The following AXIN2 variants were observed in gnomAD, a reference collection of about 807,000 sequenced individuals.
The protein encoded by AXIN2 is axin-2.
A neutral mutation model predicts 74.7 loss-of-function variants in AXIN2; 21 were observed. The observed-to-expected ratio is 0.28, with a 90% CI of 0.20 to 0.40. AXIN2 has a LOEUF of 0.40. AXIN2 is among the 10% of genes least tolerant of loss of function. The pLI is 1.00. For synonymous variants in AXIN2, 532 were observed against 454.9 expected, an observed-to-expected ratio of 1.17 and a Z score of -2.16; for missense variants, 1,144 against 1,111.1, an observed-to-expected ratio of 1.03 and a Z score of -0.42.
At chr17:65,561,307 C>T (rs1598124368) in intron 1 of AXIN2, 143 bp downstream of exon 1, 1 of 143,642 alleles carries the variant, frequency 7.0e-6, no homozygotes, top group African/African-American at 2.5e-5. Flanking sequence ...GCCCCGCCCG[C>T]GCCCCCCTCC....
chr17:65,550,374 A>C (rs1379187018), intron 2 of AXIN2, among the ~76,000 whole-genome samples: 2 of 152,156 alleles, frequency 1.3e-5, no homozygotes, highest in African/African-American at 2.4e-5. Context: ...GTTTCAAAGG[A>C]AGGCCCAGGC....
In AXIN2 at chr17:65,529,895, GT is replaced by G; in HGVS notation, c.*80del. On this transcript the variant is annotated 3_prime_UTR_variant, in exon 11 of 11. Transcript: ENST00000307078. ...CATTGGTTTAATTTTCCTTCAAAAT[GT>G]TTTGTCGCAGTTGCTCACAGCCAAG... 1.9e-6 allele frequency: 3 copies of G among 1,606,358 alleles called. No homozygotes were observed. The highest frequency in any genetic ancestry group is 2.2e-5 in the East Asian group (1 of 44,606).
At chr17:65,541,596 G>A (rs1393989757) in intron 3 of AXIN2, 39 bp from the exon 4 acceptor site, 3 of 1,562,998 alleles carry the variant, frequency 1.9e-6, no homozygotes, top group East Asian at 4.5e-5. Flanking sequence ...AGGCTTACGA[G>A]GATGTTTTCA....
intron 10 of AXIN2, among the ~76,000 whole-genome samples, chr17:65,530,913 C>A (rs1424821001): frequency 1.3e-5 from 2 of 152,252 alleles, no homozygotes; most frequent in African/African-American, 2.4e-5. Flanking sequence ...GATGCAAATG[C>A]CTGGCCTCTC....
intron 3 of AXIN2, among the ~76,000 whole-genome samples, chr17:65,548,816 C>G (rs540161247): frequency 6.6e-6 from 1 of 152,272 alleles, no homozygotes; most frequent in Non-Finnish European, 1.5e-5. Flanking sequence ...GCCTTCTGAC[C>G]TCATCGGACC....
chr17:65,553,500 C>A (rs2144559672), intron 2 of AXIN2, among the ~76,000 whole-genome samples: 1 of 152,210 alleles, frequency 6.6e-6, no homozygotes, highest in South Asian at 2.1e-4. Flanking sequence ...TTCCTTCCTC[C>A]CAGCAAAAAA....
At chr17:65,548,512 G>A (rs887671105) in intron 3 of AXIN2, among the ~76,000 whole-genome samples, 3 of 152,194 alleles carry the variant, frequency 2.0e-5, no homozygotes, top group Non-Finnish European at 2.9e-5. Flanking sequence ...TTTAGCAGGC[G>A]AAATTCTGAC....
chr17:65,537,742 C>T lies in AXIN2; in HGVS notation c.1294G>A (p.Glu432Lys), dbSNP rs751843834. 12 of 1,569,088 alleles carry T rather than the reference C, an allele frequency of 7.6e-6. No individual in the cohort carries two copies. Among genetic ancestry groups the T allele is most frequent in the African/African-American group, 2.7e-5 (2 of 73,926 alleles). Residue 432 changes from glutamate to lysine, a missense_variant, in exon 6 of 11, where the codon GAG (glutamate) becomes AAG (lysine). By Grantham distance (56) the Glu-to-Lys change is moderately conservative. This residue lies in a region of AXIN2 where 1,053 missense variants were observed against 973.5 expected (regional missense o/e 1.08). Coordinates refer to ENST00000307078, the MANE Select transcript of AXIN2 (RefSeq NM_004655.4). The stretch of plus-strand genomic sequence containing the variant: ...TCCAGTATCGTCTGCGGGTCTTCCT[C>T]GTAGCTGCCGGAGGGCAGTAGGGAG... ...PLSLLPSGSY[E>K]EDPQTILDDH...
chr17:65,549,645 G>A lies in AXIN2; in HGVS notation c.831C>T (p.Ser277=), dbSNP rs186951572. 1.3e-5 allele frequency: 21 copies of A among 1,601,152 alleles called. No individual in the cohort carries two copies. The highest frequency in any genetic ancestry group is 4.5e-5 in the East Asian group (2 of 44,586). The change falls in exon 3 of 11, where the codon AGC becomes AGT. Residue 277 remains serine, a synonymous_variant. Transcript: ENST00000307078. ...VDSGYRSFKR[S]DPVNPYHIGS... ...CTATGTGATAAGGATTAACAGGATC[G>A]CTCCTCTTGAAGGACCTATGGGCAA...
chr17:65,538,888 G>C (rs560113432), intron 4 of AXIN2, among the ~76,000 whole-genome samples: 4 of 152,070 alleles, frequency 2.6e-5, no homozygotes, highest in Middle Eastern at 3.4e-3. Flanking sequence ...TTTCCTGGCC[G>C]CACACTGCGC....
chr17:65,556,632 C>T (rs563985973), intron 2 of AXIN2, among the ~76,000 whole-genome samples: 2 of 152,236 alleles, frequency 1.3e-5, no homozygotes, highest in African/African-American at 2.4e-5. Context: ...CTCTCTCTGC[C>T]GCCCCTAAAA....
Position 65,551,856 on chromosome 17 carries a change from C to T in AXIN2, c.816-2196G>A, listed in dbSNP as rs185004767. On this transcript the variant is annotated intron_variant, in intron 2 of 10. Transcript: ENST00000307078. ...CCACAGCTGTGCCCTGGATCCTGTCCGACTGCATCAAGTCAGATCTTAGAA... is the reference window on the plus strand; with the variant it reads ...CCACAGCTGTGCCCTGGATCCTGTCTGACTGCATCAAGTCAGATCTTAGAA... Among the ~76,000 whole-genome samples, 114 of 152,290 alleles carry T rather than the reference C, an allele frequency of 7.5e-4. 1 individual carries two copies. The highest frequency in any genetic ancestry group is 7.1e-3 in the Admixed American group (108 of 15,300).
chr17:65,536,920 A>C lies in AXIN2; in HGVS notation c.1856T>G (p.Val619Gly), dbSNP rs1476148267. Residue 619 changes from valine to glycine, a missense_variant, in exon 7 of 11, where the codon GTC becomes GGC. By Grantham distance (109) the Val-to-Gly change is moderately radical. Coordinates refer to ENST00000307078, the MANE Select transcript of AXIN2 (RefSeq NM_004655.4). ...PREEGDRSQDVWQWMLESERQ... is the reference protein window; with the variant it reads ...PREEGDRSQDGWQWMLESERQ... ...CTCACTCTCCAGCATCCACTGCCAG[A>C]CATCCTGCGACCTGTCTCCTTCCTC... The C allele has an allele frequency of 6.2e-7, 1 of 1,613,644 alleles. No homozygotes were observed. Among genetic ancestry groups the C allele is most frequent in the Non-Finnish European group, 8.5e-7 (1 of 1,179,994 alleles).
chr17:65,534,283 T>G lies in AXIN2; in HGVS notation c.2238-204A>C, dbSNP rs569295664. ...GGGACACACAGTCCAACCCCACATG[T>G]GCTGCATGCAGCATGCAGAAAAGGA... On this transcript the variant is annotated intron_variant, in intron 9 of 10. Transcript: ENST00000307078. Among the ~76,000 whole-genome samples the G allele has an allele frequency of 1.8e-3, 281 of 152,354 alleles. 1 individual carries two copies. The highest frequency in any genetic ancestry group is 3.4e-3 in the Non-Finnish European group (233 of 68,040).
In AXIN2 at chr17:65,558,637, CCACT is replaced by C; in HGVS notation, c.-21_-18del. ...GCTACTCATGGTGAGGGAGCTCTTC[CCACT>C]GAGTCTGGGAATTTTTCTTCTTCCA... On this transcript the variant is annotated 5_prime_UTR_variant, in exon 2 of 11. Transcript: ENST00000307078. 3 of 1,600,850 alleles carry C rather than the reference CCACT, an allele frequency of 1.9e-6. No individual in the cohort carries two copies. The highest frequency in any genetic ancestry group is 2.5e-6 in the Non-Finnish European group (3 of 1,179,162).
In AXIN2 at chr17:65,561,470, GCGGGCGCCTCGGCCGC is replaced by G. The variant is rs1197737819; in HGVS notation, c.-153_-138del. ...CCCACCTTTTACAGCAGGGCCTTCG[GCGGGCGCCTCGGCCGC>G]CGGGCGGCCCCGAAATCCATCGCTC... is the stretch of plus-strand genomic sequence containing the variant. On this transcript the variant is annotated 5_prime_UTR_variant, in exon 1 of 11. It removes the in-frame stop codon of an upstream open reading frame in the 5' UTR. Transcript: ENST00000307078. The G allele has an allele frequency of 6.7e-6, 1 of 150,156 alleles. No individual in the cohort carries two copies. Among genetic ancestry groups the G allele is most frequent in the Non-Finnish European group, 1.5e-5 (1 of 67,148 alleles). 9.3% of individuals were successfully genotyped at this position (150,156 alleles called of 1,614,324 possible). A position where few individuals can be genotyped will look rare whatever the true frequency, so the allele number is the denominator to read the frequency against.
chr17:65,546,487 GGAGGGCCCCA>G (rs2044121116), intron 3 of AXIN2, among the ~76,000 whole-genome samples: 1 of 152,160 alleles, frequency 6.6e-6, no homozygotes, highest in African/African-American at 2.4e-5. Context: ...AGCAGAGTGG[GGAGGGCCCCA>G]GAGACCCCCA....
chr17:65,536,698 G>A (rs2043927191), intron 7 of AXIN2, 145 bp from the exon 8 acceptor site: 3 of 1,371,970 alleles, frequency 2.2e-6, no homozygotes, highest in African/African-American at 2.9e-5. Context: ...AGGGGTCAGT[G>A]CCAAAACATG....
intron 9 of AXIN2, 91 bp downstream of exon 9, chr17:65,535,535 A>G (rs1052466599): frequency 2.3e-6 from 3 of 1,323,920 alleles, no homozygotes; most frequent in African/African-American, 2.9e-5. Context: ...AAAACCAAAA[A>G]AAGTTTCATG....
Sources: gnomAD v4.1 joint callset for allele counts (sites outside exome capture counted in the v4.1 genomes callset) on GRCh38, gnomAD v4.1.1 for gene constraint, gnomAD v4.1.1 regional missense constraint, MANE v1.5 for transcripts, NCBI Gene and HGNC (gene_info 2026-07-23, HGNC 2026-07-21) for gene names.